PGAP2: variants seen among roughly 807,000 people sequenced by gnomAD.
PGAP2 encodes post-GPI attachment to proteins 2, also known as acyltransferase PGAP2.
In PGAP2, 21 loss-of-function variants were observed where a neutral mutation model predicts 33.2. The observed-to-expected ratio is 0.63, with a 90% CI of 0.45 to 0.91. The LOEUF (loss-of-function observed/expected upper bound fraction) is 0.91, where lower values mean the gene tolerates loss of function less well. Ranked by LOEUF, PGAP2 falls within the 40% of genes least tolerant of loss-of-function variation. The probability of loss-of-function intolerance (pLI) is 0.00; values close to 1 mark genes in which losing one functional copy is unlikely to be tolerated. For missense variants in PGAP2, 345 were observed against 424.0 expected, an observed-to-expected ratio of 0.81 and a Z score of 1.64; for synonymous variants, 161 against 172.9, an observed-to-expected ratio of 0.93 and a Z score of 0.54.
chr11:3,813,387 A>T (rs545405893), intron 2 of PGAP2, among the ~76,000 whole-genome samples: 4 of 123,346 alleles, frequency 3.2e-5, no homozygotes, highest in African/African-American at 5.2e-5. Flanking sequence ...CAGCTTAATT[A>T]AAAAAAAAAT....
At chr11:3,810,837 G>A (rs1488615754) in intron 1 of PGAP2, among the ~76,000 whole-genome samples, 3 of 152,196 alleles carry the variant, frequency 2.0e-5, no homozygotes, top group African/African-American at 7.2e-5. Context: ...TGGAGGCTGG[G>A]CCGAGGCTCA....
chr11:3,806,946 G>A (rs900077118), upstream of PGAP2, among the ~76,000 whole-genome samples: 5 of 151,260 alleles, frequency 3.3e-5, no homozygotes, highest in Non-Finnish European at 5.9e-5. Flanking sequence ...GCTTGAACCC[G>A]GGAGGTGGAG....
upstream of PGAP2, among the ~76,000 whole-genome samples, chr11:3,804,897 T>G (rs1055225599): frequency 4.6e-5 from 7 of 152,164 alleles, no homozygotes; most frequent in East Asian, 9.6e-4. Context: ...AGATGTGGTT[T>G]TGTCACGTTG....
chr11:3,808,445 A>T, upstream of PGAP2: 2 of 1,512,562 alleles, frequency 1.3e-6, no homozygotes. Context: ...GACACGCCAG[A>T]TTGAGGAGGA....
At chr11:3,823,861 C>T in intron 3 of PGAP2, 22 bp from the exon 4 acceptor site, 1 of 1,599,174 alleles carries the variant, frequency 6.3e-7, no homozygotes, top group Admixed American at 1.7e-5. Context: ...GGCAGATGCC[C>T]AGACAGGTCA....
chr11:3,824,303 C>T lies in PGAP2; in HGVS notation c.635C>T (p.Ala212Val). ...GAAAATGCTTTCATTGTGTTCATTG[C>T]CTCATCCCTCGGGCACATGCTCCTC... ...IHENAFIVFI[A>V]SSLGHMLLTC... Residue 212 changes from alanine to valine, a missense_variant, in exon 5 of 7, where the codon GCC becomes GTC. Coordinates refer to ENST00000278243, the MANE Select transcript of PGAP2 (RefSeq NM_014489.4). 1.9e-6 allele frequency: 3 copies of T among 1,614,216 alleles called. No homozygotes were observed. Among genetic ancestry groups the T allele is most frequent in the Admixed American group, 1.7e-5 (1 of 60,030 alleles).
At chr11:3,813,986 G>A (rs2134459787) in intron 2 of PGAP2, among the ~76,000 whole-genome samples, 1 of 152,292 alleles carries the variant, frequency 6.6e-6, no homozygotes, top group East Asian at 1.9e-4. Flanking sequence ...GCAGTACTAG[G>A]TCTGTGACCC....
chr11:3,818,006 A>G (rs1590320028), intron 3 of PGAP2: 1 of 349,426 alleles, frequency 2.9e-6, no homozygotes, highest in Non-Finnish European at 5.7e-6. Flanking sequence ...AGTTCACACC[A>G]TTATACTCCA....
At chr11:3,797,762 C>A, upstream of PGAP2, 1 of 1,484,240 alleles carries the variant, frequency 6.7e-7, no homozygotes, top group Non-Finnish European at 9.1e-7. Flanking sequence ...GGTGAGAGGG[C>A]CGTGGAGTCC....
At chr11:3,818,784 C>A (rs144814015) in intron 3 of PGAP2, among the ~76,000 whole-genome samples, 4 of 152,290 alleles carry the variant, frequency 2.6e-5, no homozygotes, top group African/African-American at 9.6e-5. Context: ...TCCTTAGACA[C>A]AGACTGTCAC....
In PGAP2 at chr11:3,824,003, T is replaced by C; in HGVS notation, c.469T>C (p.Trp157Arg). The change falls in exon 4 of 7, where the codon TGG (tryptophan) becomes CGG (arginine). Residue 157 changes from tryptophan (W) to arginine (R), a missense_variant. Physicochemically the swap from Trp to Arg is moderately radical, Grantham distance 101. Transcript: ENST00000278243. ...TCGCTTCTTGGTGGCCTTCGCCTAC[T>C]GGAACCACTACCTCAGCTGCACCTC... ...APRFLVAFAY[W>R]NHYLSCTSPC... 1 of 1,614,032 alleles carries C rather than the reference T, an allele frequency of 6.2e-7. No individual in the cohort carries two copies. Among genetic ancestry groups the C allele is most frequent in the Non-Finnish European group, 8.5e-7 (1 of 1,180,012 alleles).
upstream of PGAP2, chr11:3,807,948 T>G: frequency 1.3e-6 from 1 of 786,604 alleles, no homozygotes; most frequent in Non-Finnish European, 1.7e-6. Flanking sequence ...AATCCTCTCA[T>G]TGTGGGGAGA....
At position 3,825,448 on chromosome 11, in the gene PGAP2, A is replaced by T. The variant is rs761992792; in HGVS notation, c.938A>T (p.Lys313Met). Reference sequence around the variant, plus strand: ...CTCATAACCTCTCAGCCTGAGGAAAAGCGATTCTGAACCCTTCAGTCCTGC... The same window carrying T: ...CTCATAACCTCTCAGCCTGAGGAAATGCGATTCTGAACCCTTCAGTCCTGC... ...ELLITSQPEEKRF is the reference protein window; with the variant it reads ...ELLITSQPEEMRF Residue 313 changes from lysine to methionine, a missense_variant, in exon 7 of 7, where the codon AAG (lysine) becomes ATG (methionine). By Grantham distance (95) the Lys-to-Met change is moderately conservative (BLOSUM62 -1). Around this residue, in one of 2 missense-constraint regions of PGAP2, gnomAD observed 311 missense variants for 353.6 expected, o/e 0.88. Coordinates refer to ENST00000278243, the MANE Select transcript of PGAP2 (RefSeq NM_014489.4). The T allele has an allele frequency of 6.2e-7, 1 of 1,613,052 alleles. No homozygotes were observed. Among genetic ancestry groups the T allele is most frequent in the East Asian group, 2.2e-5 (1 of 44,872 alleles).
chr11:3,809,565 G>A (rs895985900), intron 1 of PGAP2, among the ~76,000 whole-genome samples: 9 of 152,186 alleles, frequency 5.9e-5, no homozygotes, highest in African/African-American at 2.2e-4. Flanking sequence ...TGGTTCCTCA[G>A]GGATCTAGAG....
At chr11:3,805,318 G>A (rs1277007090), upstream of PGAP2, among the ~76,000 whole-genome samples, 1 of 148,424 alleles carries the variant, frequency 6.7e-6, no homozygotes, top group Non-Finnish European at 1.5e-5. Context: ...CTGTTGTGGA[G>A]TGGTATGATC....
At chr11:3,823,532 C>T in intron 3 of PGAP2, 2 of 1,464,852 alleles carry the variant, frequency 1.4e-6, no homozygotes, top group Non-Finnish European at 1.8e-6. Flanking sequence ...CCTTGGAACT[C>T]ACCCAGGGTC....
In PGAP2 at chr11:3,797,888, GA is replaced by G. The variant is rs1484179893; in HGVS notation, c.46del (p.Thr16ArgfsTer17). The G allele has an allele frequency of 6.5e-7, 1 of 1,549,644 alleles. No homozygotes were observed. The highest frequency in any genetic ancestry group is 8.7e-7 in the Non-Finnish European group (1 of 1,146,068). On this transcript the variant is annotated frameshift_variant, in exon 1 of 7. Transcript: ENST00000300730. LOFTEE classifies it high-confidence loss of function. ...CCGGCGGGGTGTCGGGAAGGGTGGT[GA>G]CGCAACATAGAGACTCCGCCCCCTT...
intron 1 of PGAP2, among the ~76,000 whole-genome samples, chr11:3,801,350 A>C (rs533813856): frequency 6.6e-6 from 1 of 151,602 alleles, no homozygotes; most frequent in East Asian, 2.0e-4. Context: ...CATTATTTAA[A>C]AATGTATCCC....
intron 1 of PGAP2, among the ~76,000 whole-genome samples, chr11:3,799,126 T>G (rs187650181): frequency 6.6e-6 from 1 of 152,242 alleles, no homozygotes; most frequent in Admixed American, 6.5e-5. Context: ...TGGAAGTCCT[T>G]CTGGGGCCTA....
Sources: gnomAD v4.1 joint callset for allele counts (sites outside exome capture counted in the v4.1 genomes callset) on GRCh38, gnomAD v4.1.1 for gene constraint, gnomAD v4.1.1 regional missense constraint, MANE v1.5 for transcripts, NCBI Gene and HGNC (gene_info 2026-07-23, HGNC 2026-07-21) for gene names.